The following WASHC5 variants were observed in gnomAD, a reference collection of about 807,000 sequenced individuals.
WASHC5 encodes WASH complex subunit 5.
In WASHC5, 101 loss-of-function variants were observed where a neutral mutation model predicts 150.4. That is an observed-to-expected ratio of 0.67 (90% CI 0.57 to 0.79). WASHC5 has a LOEUF of 0.79. Ranked by LOEUF, WASHC5 falls within the 30% of genes least tolerant of loss-of-function variation. The pLI is 0.00. For synonymous variants in WASHC5, 467 were observed against 491.2 expected (o/e 0.95, Z 0.65); for missense variants, 1,195 against 1,396.3 (o/e 0.86, Z 2.30).
chr8:125,024,663 G>T lies in WASHC5; in HGVS notation c.3434C>A (p.Ala1145Glu). The change falls in exon 29 of 29, where the codon GCA (alanine) becomes GAA (glutamate). Residue 1145 changes from alanine (A) to glutamate (E), a missense_variant. Ala to Glu is a moderately radical substitution (Grantham distance 107, BLOSUM62 -1). Around this residue, in one of 3 missense-constraint regions of WASHC5, gnomAD observed 997 missense variants for 1,168.1 expected, o/e 0.85. Coordinates refer to ENST00000318410, the MANE Select transcript of WASHC5 (RefSeq NM_014846.4). ...ATCAAAAATGAAATTAGGCACATGT[G>T]CTTCAGCAACCTGAAAAATTAAAGA... ...YTKLPRRVAE[A>E]HVPNFIFDEF... is the part of the protein sequence containing the mutation. 1 of 1,608,390 alleles carries T rather than the reference G, an allele frequency of 6.2e-7. No individual in the cohort carries two copies. The highest frequency in any genetic ancestry group is 8.5e-7 in the Non-Finnish European group (1 of 1,174,904).
At chr8:125,050,057 AATCT>A (rs1384347768) in intron 18 of WASHC5, among the ~76,000 whole-genome samples, 3 of 152,130 alleles carry the variant, frequency 2.0e-5, no homozygotes, top group East Asian at 1.9e-4. Flanking sequence ...TCATTTAATA[AATCT>A]ATCTAGTCTC....
intron 9 of WASHC5, among the ~76,000 whole-genome samples, chr8:125,072,926 T>C (rs1011293898): frequency 6.6e-6 from 1 of 152,170 alleles, no homozygotes; most frequent in Non-Finnish European, 1.5e-5. Flanking sequence ...ACATGAGAGA[T>C]AAACATCCTC....
chr8:125,081,960 AT>A lies in WASHC5; in HGVS notation c.418-200del, dbSNP rs1447009791. ...AAAAGTTTATGTAAAACAGATTTTA[AT>A]TCATAGTGATAATTTTTCAGTTGAC... On this transcript the variant is annotated intron_variant, in intron 4 of 28. Coordinates refer to ENST00000318410, the MANE Select transcript of WASHC5 (RefSeq NM_014846.4). Among the ~76,000 whole-genome samples, 14 of 152,364 alleles carry A rather than the reference AT, an allele frequency of 9.2e-5. No homozygotes were observed. The East Asian group carries it at 2.5e-3, about 27-fold the overall frequency.
At chr8:125,027,200 T>C (rs189050245) in intron 28 of WASHC5, among the ~76,000 whole-genome samples, 1 of 152,326 alleles carries the variant, frequency 6.6e-6, no homozygotes, top group African/African-American at 2.4e-5. Context: ...CTGTATTATT[T>C]TGATAGTTTT....
intron 19 of WASHC5, 67 bp downstream of exon 19, chr8:125,048,939 T>C: frequency 1.6e-6 from 2 of 1,283,054 alleles, no homozygotes; most frequent in South Asian, 2.8e-5. Context: ...TTTCTGAGGT[T>C]TGGGATGTGT....
intron 9 of WASHC5, among the ~76,000 whole-genome samples, chr8:125,069,037 A>G (rs974034152): frequency 1.3e-5 from 2 of 152,246 alleles, no homozygotes; most frequent in African/African-American, 4.8e-5. Context: ...GCGTCTTCCA[A>G]AAGTTCACAT....
At chr8:125,059,599 T>C (rs1816529022) in intron 12 of WASHC5, 57 bp from the exon 13 acceptor site, 1 of 1,351,706 alleles carries the variant, frequency 7.4e-7, no homozygotes, top group African/African-American at 1.4e-5. Context: ...ATGGTGCTCA[T>C]TTGTTCTTGA....
rs758883409 is a variant in WASHC5 at position 125,024,657 on chromosome 8, A to C, written c.3440T>G (p.Val1147Gly). ...GAACTCATCAAAAATGAAATTAGGC[A>C]CATGTGCTTCAGCAACCTGAAAAAT... ...KLPRRVAEAHVPNFIFDEFRT... is the reference protein window; with the variant it reads ...KLPRRVAEAHGPNFIFDEFRT... Residue 1147 changes from valine (V) to glycine (G), a missense_variant, in exon 29 of 29, where the codon GTG becomes GGG. Physicochemically the swap from Val to Gly is moderately radical, Grantham distance 109. Coordinates refer to ENST00000318410, the MANE Select transcript of WASHC5 (RefSeq NM_014846.4). The C allele has an allele frequency of 6.2e-7, 1 of 1,610,600 alleles. No individual in the cohort carries two copies.
chr8:125,064,556 TA>T, intron 10 of WASHC5, among the ~76,000 whole-genome samples: 1 of 152,020 alleles, frequency 6.6e-6, no homozygotes, highest in East Asian at 1.9e-4. Context: ...TCATAACATT[TA>T]AATTCTACAA....
intron 20 of WASHC5, among the ~76,000 whole-genome samples, chr8:125,046,049 G>A (rs1816056776): frequency 1.3e-5 from 2 of 152,176 alleles, no homozygotes; most frequent in Admixed American, 1.3e-4. Context: ...ACTTTCACAA[G>A]TTTCGAAGGA....
At chr8:125,042,809 C>T (rs1815934388) in intron 23 of WASHC5, among the ~76,000 whole-genome samples, 1 of 152,138 alleles carries the variant, frequency 6.6e-6, no homozygotes, top group African/African-American at 2.4e-5. Flanking sequence ...GAGAGGATAT[C>T]TAGCAGAGCC....
chr8:125,055,673 T>C lies in WASHC5; in HGVS notation c.2017-2A>G. 6.3e-7 allele frequency: 1 copy of C among 1,583,346 alleles called. No individual in the cohort carries two copies. Among genetic ancestry groups the C allele is most frequent in the Non-Finnish European group, 8.7e-7 (1 of 1,152,454 alleles). On this transcript the variant is annotated splice_acceptor_variant, in intron 16 of 28. Transcript: ENST00000318410. LOFTEE classifies it high-confidence loss of function. ...AATAGCATGAGTAAGCTTGGCAACC[T>C]ATAACAAAGAAAAAGAGGTATGAAA...
In WASHC5 at chr8:125,080,961, G is replaced by A. The variant is rs528606915; in HGVS notation, c.518+700C>T. ...CACTTATTTCCTTATATCTGCCAAG[G>A]AGTAATATTTGAAAACTTAAACAAC... On this transcript the variant is annotated intron_variant, in intron 5 of 28. Coordinates refer to ENST00000318410, the MANE Select transcript of WASHC5 (RefSeq NM_014846.4). 3.3e-4 allele frequency among the ~76,000 whole-genome samples: 50 copies of A among 152,252 alleles called. No homozygotes were observed. In the South Asian group the frequency reaches 8.9e-3, roughly 27 times the overall value.
Position 125,059,445 on chromosome 8 carries a change from A to C in WASHC5, c.1619T>G (p.Ile540Ser). The C allele has an allele frequency of 6.2e-7, 1 of 1,614,154 alleles. No individual in the cohort carries two copies. Among genetic ancestry groups the C allele is most frequent in the Non-Finnish European group, 8.5e-7 (1 of 1,179,990 alleles). ...CATTGTGATCAGAACCTCCTCTTTA[A>C]TGTTAATGGTTCTGATCATTTGATG... ...FLHQMIRTIN[I>S]KEEVLITMQI... is the part of the protein sequence containing the mutation. Residue 540 changes from isoleucine to serine, a missense_variant, in exon 13 of 29, where the codon ATT becomes AGT. Coordinates refer to ENST00000318410, the MANE Select transcript of WASHC5 (RefSeq NM_014846.4).
At chr8:125,024,790 C>T in intron 28 of WASHC5, 117 bp from the exon 29 acceptor site, 1 of 723,912 alleles carries the variant, frequency 1.4e-6, no homozygotes. Context: ...AGGAGACTCC[C>T]ATGGGCGGAC....
At chr8:125,091,232 A>G (rs552711883) in intron 1 of WASHC5, among the ~76,000 whole-genome samples, 1 of 152,154 alleles carries the variant, frequency 6.6e-6, no homozygotes, top group South Asian at 2.1e-4. Flanking sequence ...CTCACAGCCC[A>G]TGGCATAACT....
At chr8:125,053,895 T>C (rs1165044472) in intron 17 of WASHC5, among the ~76,000 whole-genome samples, 1 of 152,166 alleles carries the variant, frequency 6.6e-6, no homozygotes, top group Non-Finnish European at 1.5e-5. Flanking sequence ...TAATATCAAG[T>C]ATTGGTGAAG....
At chr8:125,086,664 C>G (rs1321811836) in intron 1 of WASHC5, among the ~76,000 whole-genome samples, 1 of 152,198 alleles carries the variant, frequency 6.6e-6, no homozygotes, top group East Asian at 1.9e-4. Flanking sequence ...TTCCTTCAAC[C>G]CAAAGAATAC....
chr8:125,047,022 TC>T (rs1816087733), intron 20 of WASHC5, among the ~76,000 whole-genome samples, 184 bp downstream of exon 20: 1 of 152,158 alleles, frequency 6.6e-6, no homozygotes, highest in African/African-American at 2.4e-5. Flanking sequence ...GTCAGGTTCC[TC>T]ACGAGTGACA....
Sources: allele counts gnomAD v4.1 joint callset (sites outside exome capture counted in the v4.1 genomes callset), GRCh38; gene constraint gnomAD v4.1.1; regional missense constraint gnomAD v4.1.1; transcripts MANE v1.5; gene names NCBI Gene and HGNC (gene_info 2026-07-23, HGNC 2026-07-21).